The following SH3GL2 variants were observed in gnomAD, a reference collection of about 807,000 sequenced individuals.
SH3GL2 encodes endophilin-A1.
A neutral mutation model predicts 46.0 loss-of-function variants in SH3GL2; 24 were observed. The observed-to-expected ratio is 0.52, with a 90% CI of 0.38 to 0.73. The LOEUF is 0.73. SH3GL2 is among the 30% of genes least tolerant of loss of function. SH3GL2 has a pLI of 0.00. For synonymous variants in SH3GL2, 196 were observed against 147.1 expected, an observed-to-expected ratio of 1.33 and a Z score of -2.40; for missense variants, 413 against 424.2, an observed-to-expected ratio of 0.97 and a Z score of 0.23.
chr9:17,587,313 G>A (rs1198791718), intron 1 of SH3GL2, among the ~76,000 whole-genome samples: 1 of 152,188 alleles, frequency 6.6e-6, no homozygotes, highest in African/African-American at 2.4e-5. Context: ...AACAGTGATG[G>A]CATCCTGCAG....
In SH3GL2 at chr9:17,606,026, AAGT is replaced by A. The variant is rs1197235087; in HGVS notation, c.45+26743_45+26745del. ...CTTTCATTAATGGCTTATTTTTTTC[AAGT>A]AGTCTCATTCTACCCTTGTCAACCT... On this transcript the variant is annotated intron_variant, in intron 1 of 8. Coordinates refer to ENST00000380607, the MANE Select transcript of SH3GL2 (RefSeq NM_003026.5). Among the ~76,000 whole-genome samples the A allele has an allele frequency of 3.3e-5, 5 of 152,176 alleles. No individual in the cohort carries two copies. In the South Asian group the frequency reaches 1.0e-3, roughly 32 times the overall value.
chr9:17,772,106 C>G (rs998227420), intron 3 of SH3GL2, among the ~76,000 whole-genome samples: 1 of 152,152 alleles, frequency 6.6e-6, no homozygotes, highest in African/African-American at 2.4e-5. Flanking sequence ...TGTAGATGCT[C>G]TGAGACTTCA....
At chr9:17,677,138 T>C (rs1820633074) in intron 1 of SH3GL2, among the ~76,000 whole-genome samples, 1 of 152,016 alleles carries the variant, frequency 6.6e-6, no homozygotes, top group Non-Finnish European at 1.5e-5. Context: ...CCCACGTTCA[T>C]ATTCTGACTT....
intron 1 of SH3GL2, among the ~76,000 whole-genome samples, chr9:17,699,319 G>A (rs73422659): frequency 0.1 from 15,389 of 152,096 alleles, 898 homozygotes; most frequent in East Asian, 0.21. Flanking sequence ...CTGTTGCATA[G>A]CATTCAAGGT....
At chr9:17,681,567 G>C (rs1256649132) in intron 1 of SH3GL2, among the ~76,000 whole-genome samples, 1 of 152,112 alleles carries the variant, frequency 6.6e-6, no homozygotes, top group Non-Finnish European at 1.5e-5. Context: ...ATGGGTTAAA[G>C]ACTTAAATGT....
chr9:17,724,683 C>T (rs1472550803), intron 1 of SH3GL2, among the ~76,000 whole-genome samples: 2 of 152,224 alleles, frequency 1.3e-5, no homozygotes, highest in East Asian at 3.9e-4. Context: ...TGATCCTCTC[C>T]CTCTTCTAGG....
intron 1 of SH3GL2, among the ~76,000 whole-genome samples, chr9:17,675,096 T>A (rs2117992648): frequency 6.6e-6 from 1 of 152,328 alleles, no homozygotes; most frequent in Non-Finnish European, 1.5e-5. Context: ...TTTTGAGCAT[T>A]TTTTGTACAT....
At position 17,584,102 on chromosome 9, in the gene SH3GL2, T is replaced by G. The variant is rs186680654; in HGVS notation, c.45+4815T>G. On this transcript the variant is annotated intron_variant, in intron 1 of 8. Transcript: ENST00000380607. ...CAAGGGGCCTATATATTTTATAAAA[T>G]TATAAGTAACATTTTATACATGCAT... is the stretch of plus-strand genomic sequence containing the variant. Among the ~76,000 whole-genome samples the G allele has an allele frequency of 1.4e-4, 22 of 152,270 alleles. No homozygotes were observed. The East Asian group carries it at 3.9e-3, about 27-fold the overall frequency.
intron 3 of SH3GL2, among the ~76,000 whole-genome samples, chr9:17,785,663 C>G (rs1051623865): frequency 6.6e-5 from 10 of 152,012 alleles, no homozygotes; most frequent in Non-Finnish European, 1.5e-4. Flanking sequence ...GCTGTTTTTG[C>G]CACTAACACT....
At position 17,698,717 on chromosome 9, in the gene SH3GL2, G is replaced by A. The variant is rs576057716; in HGVS notation, c.46-48349G>A. ...TTGTTTCTGCTTATGCAGAAGAGGT[G>A]GACTAAATTATACCTGAACTCCTCT... On this transcript the variant is annotated intron_variant, in intron 1 of 8. Coordinates refer to ENST00000380607, the MANE Select transcript of SH3GL2 (RefSeq NM_003026.5). Among the ~76,000 whole-genome samples the A allele has an allele frequency of 2.0e-5, 3 of 152,152 alleles. No individual in the cohort carries two copies. The East Asian group carries it at 5.8e-4, about 29-fold the overall frequency.
intron 1 of SH3GL2, among the ~76,000 whole-genome samples, chr9:17,605,583 C>T (rs1458558354): frequency 6.6e-6 from 1 of 152,152 alleles, no homozygotes; most frequent in Non-Finnish European, 1.5e-5. Flanking sequence ...AAAAAACAAG[C>T]AGAGATGTTT....
At chr9:17,721,675 C>G (rs1232747864) in intron 1 of SH3GL2, among the ~76,000 whole-genome samples, 4 of 151,988 alleles carry the variant, frequency 2.6e-5, no homozygotes, top group African/African-American at 7.2e-5. Context: ...CATACATGTT[C>G]CTCACTATAT....
intron 1 of SH3GL2, among the ~76,000 whole-genome samples, chr9:17,702,959 T>C (rs1320721532): frequency 2.6e-5 from 4 of 152,100 alleles, no homozygotes; most frequent in African/African-American, 9.7e-5. Context: ...TAATCCTGGA[T>C]CTTGCTCTGA....
intron 3 of SH3GL2, among the ~76,000 whole-genome samples, chr9:17,775,296 G>T (rs886406159): frequency 2.0e-5 from 3 of 152,112 alleles, no homozygotes; most frequent in Non-Finnish European, 4.4e-5. Context: ...GAAGGGGCAA[G>T]TGTATTTTTA....
At chr9:17,779,164 C>G (rs143658505) in intron 3 of SH3GL2, among the ~76,000 whole-genome samples, 11 of 152,274 alleles carry the variant, frequency 7.2e-5, no homozygotes, top group Non-Finnish European at 1.6e-4. Flanking sequence ...CCCTTGGACA[C>G]ATGCTTGGTG....
intron 1 of SH3GL2, among the ~76,000 whole-genome samples, chr9:17,693,295 A>T (rs1821127538): frequency 6.6e-6 from 1 of 152,060 alleles, no homozygotes; most frequent in Admixed American, 6.6e-5. Flanking sequence ...CTCCAGTGGC[A>T]AGTACTTGAG....
At chr9:17,738,626 T>TTATATATATATATATATATATA (rs368436353) in intron 1 of SH3GL2, among the ~76,000 whole-genome samples, 1 of 74,814 alleles carries the variant, frequency 1.3e-5, no homozygotes, top group African/African-American at 5.1e-5. Flanking sequence ...TCATGTGATT[T>TTATATATATATATATATATATA]TATATATATA....
intron 1 of SH3GL2, among the ~76,000 whole-genome samples, chr9:17,600,786 A>T (rs1194832291): frequency 6.6e-6 from 1 of 152,206 alleles, no homozygotes; most frequent in Non-Finnish European, 1.5e-5. Context: ...TGGTATTTTT[A>T]AAAACTCTTT....
chr9:17,783,222 C>G (rs1157087585), intron 3 of SH3GL2, among the ~76,000 whole-genome samples: 1 of 152,074 alleles, frequency 6.6e-6, no homozygotes, highest in South Asian at 2.1e-4. Flanking sequence ...GGATTTTTAG[C>G]TATGTCTGTA....
Sources: gnomAD v4.1 joint callset for allele counts (sites outside exome capture counted in the v4.1 genomes callset) on GRCh38, gnomAD v4.1.1 for gene constraint, MANE v1.5 for transcripts, NCBI Gene and HGNC (gene_info 2026-07-23, HGNC 2026-07-21) for gene names.